PCCA: variants seen among roughly 807,000 people sequenced by gnomAD.
PCCA encodes the protein propionyl-CoA carboxylase alpha chain, mitochondrial.
In PCCA, 74 loss-of-function variants were observed where a neutral mutation model predicts 101.3. That is an observed-to-expected ratio of 0.73 (90% CI 0.61 to 0.89). The LOEUF (loss-of-function observed/expected upper bound fraction) is 0.89, where lower values mean the gene tolerates loss of function less well. Ranked by LOEUF, PCCA falls within the 40% of genes least tolerant of loss-of-function variation. The pLI, the probability that PCCA is intolerant of heterozygous loss-of-function variation, is 0.00. For missense variants in PCCA, 891 were observed against 907.0 expected (o/e 0.98, Z 0.23); for synonymous variants, 294 against 313.6 (o/e 0.94, Z 0.66).
intron 21 of PCCA, among the ~76,000 whole-genome samples, chr13:100,483,848 G>A (rs1000210927): frequency 6.6e-6 from 1 of 152,178 alleles, no homozygotes; most frequent in Non-Finnish European, 1.5e-5. Flanking sequence ...ATCCTCTTGT[G>A]TGTGATGGTG....
At chr13:100,457,307 C>T (rs1056216424) in intron 21 of PCCA, among the ~76,000 whole-genome samples, 1 of 152,096 alleles carries the variant, frequency 6.6e-6, no homozygotes, top group Non-Finnish European at 1.5e-5. Context: ...TAATCTTTCA[C>T]GCACACGTTC....
intron 14 of PCCA, chr13:100,305,962 A>C (rs150838409): frequency 1.4e-4 from 40 of 278,066 alleles, no homozygotes; most frequent in African/African-American, 7.7e-4. Context: ...GGTATGTTAT[A>C]GTGTTCCTTT....
intron 6 of PCCA, among the ~76,000 whole-genome samples, chr13:100,159,628 G>C (rs1360395843): frequency 6.6e-6 from 1 of 152,090 alleles, no homozygotes; most frequent in Non-Finnish European, 1.5e-5. Flanking sequence ...TTCCATCTGG[G>C]GTTCTACATT....
At chr13:100,192,144 C>T (rs1175331452) in intron 6 of PCCA, among the ~76,000 whole-genome samples, 1 of 152,178 alleles carries the variant, frequency 6.6e-6, no homozygotes, top group Non-Finnish European at 1.5e-5. Flanking sequence ...TGCCACTTCA[C>T]ATATGAAAAT....
rs1186650105 is a variant in PCCA at position 100,159,521 on chromosome 13, AC to A, written c.468+2182del. 5.3e-5 allele frequency among the ~76,000 whole-genome samples: 8 copies of A among 152,332 alleles called. No homozygotes were observed. The East Asian group carries it at 1.2e-3, about 22-fold the overall frequency. ...AGTCCTGGGTGCTCATAGTCATGTT[AC>A]GGAAAATAAGTTGATACACAAATAA... is the stretch of plus-strand genomic sequence containing the variant. On this transcript the variant is annotated intron_variant, in intron 6 of 23. Coordinates refer to ENST00000376285, the MANE Select transcript of PCCA (RefSeq NM_000282.4).
intron 21 of PCCA, among the ~76,000 whole-genome samples, chr13:100,483,478 T>C (rs2084119462): frequency 6.6e-6 from 1 of 152,326 alleles, no homozygotes; most frequent in South Asian, 2.1e-4. Flanking sequence ...TGCTGGCTCA[T>C]TGGGAGTTCT....
intron 8 of PCCA, among the ~76,000 whole-genome samples, chr13:100,244,962 T>TGTGCGC (rs1555392074): frequency 1.4e-5 from 2 of 143,250 alleles, no homozygotes; most frequent in East Asian, 2.0e-4. Flanking sequence ...TGTGTGTGTG[T>TGTGCGC]GTGCGCAGTA....
intron 17 of PCCA, among the ~76,000 whole-genome samples, chr13:100,333,949 C>T (rs189333299): frequency 6.6e-6 from 1 of 152,202 alleles, no homozygotes; most frequent in East Asian, 1.9e-4. Flanking sequence ...AGAAGAAAAT[C>T]AAAGATGGGT....
intron 16 of PCCA, among the ~76,000 whole-genome samples, chr13:100,324,727 A>G (rs144650260): frequency 1.3e-5 from 2 of 152,316 alleles, no homozygotes; most frequent in East Asian, 3.9e-4. Context: ...GTACTACTGT[A>G]TAGTTTCATA....
At chr13:100,456,717 A>T (rs2081752874) in intron 21 of PCCA, among the ~76,000 whole-genome samples, 1 of 152,124 alleles carries the variant, frequency 6.6e-6, no homozygotes, top group Admixed American at 6.5e-5. Context: ...AAGATCAAAG[A>T]CTTTAAGACT....
chr13:100,254,900 A>G (rs1156548383), intron 8 of PCCA, among the ~76,000 whole-genome samples: 4 of 151,714 alleles, frequency 2.6e-5, no homozygotes, highest in African/African-American at 9.7e-5. Context: ...TGGGCAATAT[A>G]ATGAGACCCC....
chr13:100,386,824 G>A (rs2076534854), intron 19 of PCCA, among the ~76,000 whole-genome samples: 1 of 152,200 alleles, frequency 6.6e-6, no homozygotes, highest in African/African-American at 2.4e-5. Flanking sequence ...TGTGAGTTGG[G>A]GAGCTGGAGG....
chr13:100,379,569 A>C (rs953717448), intron 19 of PCCA, among the ~76,000 whole-genome samples: 1 of 152,230 alleles, frequency 6.6e-6, no homozygotes, highest in African/African-American at 2.4e-5. Flanking sequence ...ATGAAGACAT[A>C]TCCAAGACTG....
At chr13:100,278,746 G>A (rs555508629) in intron 12 of PCCA, among the ~76,000 whole-genome samples, 1 of 152,186 alleles carries the variant, frequency 6.6e-6, no homozygotes, top group South Asian at 2.1e-4. Flanking sequence ...CCAAAGTGCT[G>A]GTATTACAGG....
intron 4 of PCCA, among the ~76,000 whole-genome samples, chr13:100,138,196 T>C (rs1365138554): frequency 5.9e-5 from 9 of 152,224 alleles, no homozygotes; most frequent in Non-Finnish European, 1.3e-4. Context: ...GTGTCTTCTT[T>C]TGCATTATTT....
chr13:100,319,737 A>G (rs923817746), intron 16 of PCCA, among the ~76,000 whole-genome samples: 9 of 152,152 alleles, frequency 5.9e-5, no homozygotes, highest in Non-Finnish European at 1.0e-4. Context: ...TGGTTACTGT[A>G]GCCTTGTAGT....
chr13:100,142,359 C>T (rs908572307), intron 4 of PCCA, among the ~76,000 whole-genome samples: 1 of 152,102 alleles, frequency 6.6e-6, no homozygotes, highest in African/African-American at 2.4e-5. Context: ...TTGCCTATTG[C>T]TGCTGCCAGG....
At position 100,527,560 on chromosome 13, in the gene PCCA, G is replaced by C. The variant is rs1230698750; in HGVS notation, c.2041-115G>C. On this transcript the variant is annotated intron_variant, in intron 22 of 23. Transcript: ENST00000376285. Reference sequence around the variant, plus strand: ...GGAAACATTAGAGATTGTTGCTGCTGTTCATAGACACATATTTTGGGGCAT... The same window carrying C: ...GGAAACATTAGAGATTGTTGCTGCTCTTCATAGACACATATTTTGGGGCAT... 3 of 753,494 alleles carry C rather than the reference G, an allele frequency of 4.0e-6. No homozygotes were observed. In the East Asian group the frequency reaches 7.6e-5, roughly 19 times the overall value. 46.7% of individuals were successfully genotyped at this position (753,494 alleles called of 1,614,324 possible).
At chr13:100,379,201 A>G (rs1379218977) in intron 19 of PCCA, among the ~76,000 whole-genome samples, 3 of 151,904 alleles carry the variant, frequency 2.0e-5, no homozygotes, top group Non-Finnish European at 2.9e-5. Flanking sequence ...TTTGGCTGTA[A>G]ACAGTATCGG....
Sources: gnomAD v4.1 joint callset for allele counts (sites outside exome capture counted in the v4.1 genomes callset) on GRCh38, gnomAD v4.1.1 for gene constraint, MANE v1.5 for transcripts, NCBI Gene and HGNC (gene_info 2026-07-23, HGNC 2026-07-21) for gene names.